SNX7: variants seen among roughly 807,000 people sequenced by gnomAD.
SNX7 encodes sorting nexin-7.
SNX7 carries 35 observed loss-of-function variants against 48.4 expected under a neutral mutation model. That is an observed-to-expected ratio of 0.72 (90% CI 0.55 to 0.96). The LOEUF (loss-of-function observed/expected upper bound fraction) is 0.96. SNX7 is among the 40% of genes least tolerant of loss of function. The pLI is 0.00. For synonymous variants in SNX7, 190 were observed against 190.2 expected (o/e 1.00, Z 0.01); for missense variants, 553 against 548.9 (o/e 1.01, Z -0.07).
At chr1:98,754,625 C>CT (rs1292534670) in intron 8 of SNX7, among the ~76,000 whole-genome samples, 1 of 151,922 alleles carries the variant, frequency 6.6e-6, no homozygotes, top group African/African-American at 2.4e-5. Context: ...TCATAATTTT[C>CT]TTTTTTCCTT....
chr1:98,710,086 G>A (rs925160377), intron 7 of SNX7, among the ~76,000 whole-genome samples: 1 of 152,254 alleles, frequency 6.6e-6, no homozygotes. Context: ...TTCATAAACA[G>A]CAGCATGTCT....
chr1:98,738,627 C>T (rs1266018582), intron 8 of SNX7, among the ~76,000 whole-genome samples: 1 of 152,172 alleles, frequency 6.6e-6, no homozygotes, highest in African/African-American at 2.4e-5. Context: ...GTCCTAACTA[C>T]TCCTCTTTCC....
intron 8 of SNX7, among the ~76,000 whole-genome samples, chr1:98,741,398 T>G (rs1654061602): frequency 6.6e-6 from 1 of 152,208 alleles, no homozygotes; most frequent in Non-Finnish European, 1.5e-5. Flanking sequence ...TAGAGGCATC[T>G]ATTACATCTA....
intron 1 of SNX7, among the ~76,000 whole-genome samples, chr1:98,678,118 A>C (rs1650278107): frequency 6.6e-6 from 1 of 152,050 alleles, no homozygotes; most frequent in Non-Finnish European, 1.5e-5. Flanking sequence ...TGCATGCTGT[A>C]CAGGAAGCAT....
chr1:98,733,004 C>T (rs1310268728), intron 7 of SNX7, among the ~76,000 whole-genome samples: 1 of 152,104 alleles, frequency 6.6e-6, no homozygotes, highest in Non-Finnish European at 1.5e-5. Context: ...CATATTACCT[C>T]CCAGCCTGCC....
At chr1:98,742,623 C>G (rs1031175436) in intron 8 of SNX7, among the ~76,000 whole-genome samples, 3 of 151,658 alleles carry the variant, frequency 2.0e-5, no homozygotes, top group African/African-American at 7.3e-5. Context: ...TCTTATTTTT[C>G]TGGTTATAAA....
intron 7 of SNX7, among the ~76,000 whole-genome samples, chr1:98,728,954 G>A (rs994216654): frequency 2.0e-5 from 3 of 152,256 alleles, no homozygotes; most frequent in African/African-American, 7.2e-5. Context: ...CCTGATAGAT[G>A]TATGCAGAAT....
rs1655053049 is a variant in SNX7 at position 98,760,360 on chromosome 1, A to C, written c.*229A>C. 2 of 355,830 alleles carry C rather than the reference A, an allele frequency of 5.6e-6. No homozygotes were observed. The highest frequency in any genetic ancestry group is 4.3e-5 in the Admixed American group (1 of 22,992). The allele number at this position is 355,830 out of a possible 1,614,324, so 22.0% of individuals were successfully genotyped here. On this transcript the variant is annotated 3_prime_UTR_variant, in exon 9 of 9. Coordinates refer to ENST00000306121, the MANE Select transcript of SNX7 (RefSeq NM_015976.5). The stretch of plus-strand genomic sequence containing the variant: ...TATATAGATATATAAATACAGAGAG[A>C]TATCTGGCTTGGTTTTAATTATGTT...
chr1:98,672,402 G>A (rs1649919490), intron 1 of SNX7, among the ~76,000 whole-genome samples: 1 of 150,512 alleles, frequency 6.6e-6, no homozygotes. Context: ...GCAAGTAACT[G>A]GTCAAACCAA....
At chr1:98,673,590 G>T (rs896557640) in intron 1 of SNX7, among the ~76,000 whole-genome samples, 1 of 152,106 alleles carries the variant, frequency 6.6e-6, no homozygotes, top group Non-Finnish European at 1.5e-5. Context: ...GACCACTATT[G>T]TATCCCCAGC....
chr1:98,744,492 G>A (rs1248073707), intron 8 of SNX7, among the ~76,000 whole-genome samples: 1 of 151,942 alleles, frequency 6.6e-6, no homozygotes, highest in Non-Finnish European at 1.5e-5. Flanking sequence ...TTTCCAAACA[G>A]CACCAGAGTC....
intron 1 of SNX7, among the ~76,000 whole-genome samples, chr1:98,682,242 T>G (rs1164747165): frequency 6.6e-6 from 1 of 152,044 alleles, no homozygotes; most frequent in African/African-American, 2.4e-5. Context: ...TTCTTTCTCC[T>G]TGTCATCTCC....
intron 2 of SNX7, among the ~76,000 whole-genome samples, chr1:98,689,324 T>C (rs1207386080): frequency 1.3e-5 from 2 of 152,226 alleles, no homozygotes; most frequent in African/African-American, 4.8e-5. Flanking sequence ...CCTACATATG[T>C]GTCTCTTACA....
intron 2 of SNX7, among the ~76,000 whole-genome samples, chr1:98,690,074 T>G (rs927384346): frequency 6.6e-6 from 1 of 152,182 alleles, no homozygotes; most frequent in Non-Finnish European, 1.5e-5. Context: ...GATTGCATCT[T>G]ATGACTTGGA....
intron 8 of SNX7, among the ~76,000 whole-genome samples, chr1:98,755,071 A>G (rs1654775276): frequency 6.6e-6 from 1 of 152,088 alleles, no homozygotes; most frequent in Non-Finnish European, 1.5e-5. Flanking sequence ...GAGGCTTTTT[A>G]TAATTGTCCT....
intron 7 of SNX7, among the ~76,000 whole-genome samples, chr1:98,713,416 C>G (rs1254882036): frequency 6.6e-6 from 1 of 151,834 alleles, no homozygotes; most frequent in Non-Finnish European, 1.5e-5. Flanking sequence ...CTACTCAGAC[C>G]ACTAAAACTT....
chr1:98,678,878 T>TA (rs1237510635), intron 1 of SNX7, among the ~76,000 whole-genome samples: 2 of 151,988 alleles, frequency 1.3e-5, no homozygotes, highest in East Asian at 3.9e-4. Context: ...CATTGAAAAA[T>TA]AAAAAATAGC....
chr1:98,759,281 A>G (rs1655004118), intron 8 of SNX7, among the ~76,000 whole-genome samples: 1 of 152,040 alleles, frequency 6.6e-6, no homozygotes, highest in Non-Finnish European at 1.5e-5. Context: ...TAGAGTAGTT[A>G]TGATTTACAA....
At chr1:98,729,295 G>C (rs1426459863) in intron 7 of SNX7, among the ~76,000 whole-genome samples, 1 of 152,074 alleles carries the variant, frequency 6.6e-6, no homozygotes, top group Admixed American at 6.6e-5. Flanking sequence ...TAAGAGGGAA[G>C]TTTATAGCAC....
Sources: allele counts gnomAD v4.1 joint callset (sites outside exome capture counted in the v4.1 genomes callset), GRCh38; gene constraint gnomAD v4.1.1; transcripts MANE v1.5; gene names NCBI Gene and HGNC (gene_info 2026-07-23, HGNC 2026-07-21).